DST: variants seen among roughly 807,000 people sequenced by gnomAD.
DST encodes the protein dystonin.
DST carries 253 observed loss-of-function variants against 875.2 expected under a neutral mutation model. The observed-to-expected ratio is 0.29, with a 90% CI of 0.26 to 0.32. The LOEUF is 0.32. Among genes scored for constraint, DST ranks in the 10% least tolerant of loss-of-function variants. DST has a pLI of 1.00. For synonymous variants in DST, 3,124 were observed against 3,197.1 expected, an observed-to-expected ratio of 0.98 and a Z score of 0.77; for missense variants, 8,287 against 9,111.6, an observed-to-expected ratio of 0.91 and a Z score of 3.68.
At chr6:56,562,290 G>T (rs1342193554) in intron 55 of DST, 90 bp from the exon 56 acceptor site, 2 of 558,216 alleles carry the variant, frequency 3.6e-6, no homozygotes, top group African/African-American at 2.4e-5. Context: ...CCCATCAACA[G>T]TAATCACACA....
chr6:56,526,213 C>T (rs370778691), intron 69 of DST, 148 bp downstream of exon 69: 1 of 835,584 alleles, frequency 1.2e-6, no homozygotes, highest in South Asian at 1.8e-5. Flanking sequence ...CGAAGAAGCC[C>T]AGTCAACTTC....
intron 4 of DST, chr6:56,742,282 A>C: frequency 7.8e-7 from 1 of 1,289,476 alleles, no homozygotes; most frequent in Non-Finnish European, 1.0e-6. Flanking sequence ...CATACAGCAC[A>C]TCAGTCCCAC....
intron 69 of DST, among the ~76,000 whole-genome samples, chr6:56,519,311 AG>A (rs1256475513): frequency 6.6e-6 from 1 of 152,194 alleles, no homozygotes; most frequent in Non-Finnish European, 1.5e-5. Flanking sequence ...CAAACACTAC[AG>A]AAAAAATGGT....
At chr6:56,504,274 G>T (rs1263523921) in intron 77 of DST, among the ~76,000 whole-genome samples, 176 bp from the exon 78 acceptor site, 2 of 152,032 alleles carry the variant, frequency 1.3e-5, no homozygotes, top group Non-Finnish European at 2.9e-5. Context: ...ATACCAAAAT[G>T]GTTGTCCCAA....
At chr6:56,464,070 T>TA (rs2094464321) in intron 100 of DST, 1 of 433,108 alleles carries the variant, frequency 2.3e-6, no homozygotes, top group South Asian at 2.0e-5. Context: ...AAGCTCATGC[T>TA]AAAATATCAT....
At chr6:56,636,697 A>T (rs2098829116) in intron 22 of DST, 45 bp from the exon 23 acceptor site, 2 of 1,434,760 alleles carry the variant, frequency 1.4e-6, no homozygotes, top group South Asian at 2.3e-5. Context: ...GGGAGAAATA[A>T]GGCACACATA....
intron 9 of DST, among the ~76,000 whole-genome samples, chr6:56,699,430 G>A (rs2099281308): frequency 2.0e-5 from 3 of 152,196 alleles, no homozygotes. Context: ...TGAGATAACA[G>A]ACATTGTCTT....
intron 4 of DST, among the ~76,000 whole-genome samples, chr6:56,772,434 T>C (rs981003069): frequency 4.6e-5 from 7 of 152,180 alleles, no homozygotes; most frequent in Non-Finnish European, 8.8e-5. Flanking sequence ...CGGCACATAC[T>C]GCAAGCTAAC....
intron 49 of DST, among the ~76,000 whole-genome samples, chr6:56,586,021 GGTCA>G (rs2098140020): frequency 6.6e-6 from 1 of 151,610 alleles, no homozygotes; most frequent in Non-Finnish European, 1.5e-5. Context: ...CCAACTATGT[GGTCA>G]GTTTTGGAAT....
chr6:56,459,747 T>C (rs1279507318), intron 103 of DST, among the ~76,000 whole-genome samples: 3 of 152,108 alleles, frequency 2.0e-5, no homozygotes, highest in Non-Finnish European at 2.9e-5. Context: ...CAGAGATTAG[T>C]AGGTTCATTA....
chr6:56,731,744 T>C (rs748655773), intron 5 of DST, among the ~76,000 whole-genome samples: 2 of 152,208 alleles, frequency 1.3e-5, no homozygotes, highest in Non-Finnish European at 2.9e-5. Context: ...CTTGCAGTTA[T>C]AACAGTGCTG....
chr6:56,900,253 A>G (rs947854704), intron 3 of DST, among the ~76,000 whole-genome samples, 168 bp downstream of exon 3: 5 of 152,216 alleles, frequency 3.3e-5, no homozygotes, highest in Non-Finnish European at 7.3e-5. Context: ...AGAACATTCT[A>G]TGAAACCCTA....
At chr6:56,587,736 A>G (rs963785981) in intron 49 of DST, among the ~76,000 whole-genome samples, 5 of 152,180 alleles carry the variant, frequency 3.3e-5, no homozygotes, top group Non-Finnish European at 5.9e-5. Flanking sequence ...TACAAGCCAG[A>G]AGAGAGTGGG....
At chr6:56,806,569 C>G (rs1350888181) in intron 4 of DST, among the ~76,000 whole-genome samples, 1 of 152,150 alleles carries the variant, frequency 6.6e-6, no homozygotes, top group Admixed American at 6.5e-5. Flanking sequence ...TAAAAGCAAG[C>G]GTGTGGCAGT....
At chr6:56,542,932 T>G (rs2097160048) in intron 61 of DST, 1 of 152,308 alleles carries the variant, frequency 6.6e-6, no homozygotes, top group Non-Finnish European at 1.5e-5. Context: ...GCGAGCGGTT[T>G]CAGTGGGAGG....
intron 71 of DST, among the ~76,000 whole-genome samples, chr6:56,516,704 A>G (rs886888769): frequency 1.2e-4 from 19 of 152,298 alleles, no homozygotes; most frequent in African/African-American, 4.6e-4. Context: ...TTAAAGGATA[A>G]TTAAAACTAC....
At chr6:56,615,274 T>G in intron 36 of DST, 1 of 1,294,476 alleles carries the variant, frequency 7.7e-7, no homozygotes, top group Non-Finnish European at 9.8e-7. Context: ...AACATTTTAG[T>G]GTGGCCAAGT....
In DST at chr6:56,597,971, G is replaced by A. The variant is rs1487278628; in HGVS notation, c.11964C>T (p.Thr3988=). ...AAVKQLEESK[T]KIENLLDWLS... is the part of the protein sequence containing the mutation. ...ACCAGTCCAAAAGGTTTTCTATTTT[G>A]GTTTTGCTCTCTTCCAGCTGCTTCA... The change falls in exon 47 of 104, where the codon ACC becomes ACT. Residue 3988 remains threonine (T), a synonymous_variant. Transcript: ENST00000680361. 6.2e-7 allele frequency: 1 copy of A among 1,609,188 alleles called. No homozygotes were observed. Among genetic ancestry groups the A allele is most frequent in the Non-Finnish European group, 8.5e-7 (1 of 1,177,146 alleles).
intron 2 of DST, among the ~76,000 whole-genome samples, chr6:56,922,754 A>C (rs1054844182): frequency 5.9e-5 from 9 of 152,300 alleles, no homozygotes; most frequent in African/African-American, 2.2e-4. Flanking sequence ...TTTAATGAGT[A>C]GTTTCTTCTT....
Sources: allele counts gnomAD v4.1 joint callset (sites outside exome capture counted in the v4.1 genomes callset), GRCh38; gene constraint gnomAD v4.1.1; transcripts MANE v1.5; gene names NCBI Gene and HGNC (gene_info 2026-07-23, HGNC 2026-07-21).